ERBB4: variants seen among roughly 807,000 people sequenced by gnomAD.
The protein encoded by ERBB4 is receptor tyrosine-protein kinase erbB-4.
In ERBB4, 42 loss-of-function variants were observed where a neutral mutation model predicts 158.0. That is an observed-to-expected ratio of 0.27 (90% CI 0.21 to 0.34). The LOEUF (loss-of-function observed/expected upper bound fraction) is 0.34. Among genes scored for constraint, ERBB4 ranks in the 10% least tolerant of loss-of-function variants. The pLI is 1.00. For missense variants in ERBB4, 1,333 were observed against 1,624.1 expected (o/e 0.82, Z 3.08); for synonymous variants, 583 against 558.7 (o/e 1.04, Z -0.61).
At chr2:212,370,688 C>G (rs1417110862) in intron 1 of ERBB4, among the ~76,000 whole-genome samples, 1 of 152,032 alleles carries the variant, frequency 6.6e-6, no homozygotes, top group African/African-American at 2.4e-5. Flanking sequence ...AATCCCAAGT[C>G]TTACTACTAT....
At chr2:211,830,098 T>A (rs1441326151) in intron 3 of ERBB4, among the ~76,000 whole-genome samples, 3 of 152,214 alleles carry the variant, frequency 2.0e-5, no homozygotes, top group African/African-American at 7.2e-5. Flanking sequence ...CACACTGCTC[T>A]GAATTTGTTA....
intron 19 of ERBB4, among the ~76,000 whole-genome samples, chr2:211,592,917 A>G (rs1006034141): frequency 4.6e-5 from 7 of 151,944 alleles, no homozygotes; most frequent in African/African-American, 1.7e-4. Context: ...AGGCTGAGGC[A>G]GGAGAATCGC....
intron 3 of ERBB4, among the ~76,000 whole-genome samples, chr2:211,884,362 T>G (rs2106159950): frequency 6.6e-6 from 1 of 152,304 alleles, no homozygotes; most frequent in South Asian, 2.1e-4. Flanking sequence ...CAACATCCAG[T>G]TCTCCTACCA....
intron 1 of ERBB4, among the ~76,000 whole-genome samples, chr2:212,149,747 C>A (rs1347282976): frequency 6.6e-6 from 1 of 152,150 alleles, no homozygotes; most frequent in Non-Finnish European, 1.5e-5. Context: ...TTTTCATTCA[C>A]TAAGCATTGC....
At chr2:212,248,876 G>A (rs1413673443) in intron 1 of ERBB4, among the ~76,000 whole-genome samples, 1 of 151,924 alleles carries the variant, frequency 6.6e-6, no homozygotes, top group Non-Finnish European at 1.5e-5. Context: ...ACCAACAGGA[G>A]CTATAGTATC....
At chr2:211,880,560 A>C (rs1374400856) in intron 3 of ERBB4, among the ~76,000 whole-genome samples, 1 of 152,228 alleles carries the variant, frequency 6.6e-6, no homozygotes, top group Non-Finnish European at 1.5e-5. Flanking sequence ...CACAGATTTC[A>C]AAAAACATTT....
At chr2:211,861,027 T>TATATA (rs2078007680) in intron 3 of ERBB4, among the ~76,000 whole-genome samples, 1 of 30,252 alleles carries the variant, frequency 3.3e-5, no homozygotes, top group African/African-American at 9.8e-5. Flanking sequence ...TATATATATA[T>TATATA]AAATATAATA....
At chr2:211,423,079 A>G (rs986615283) in intron 23 of ERBB4, among the ~76,000 whole-genome samples, 4 of 152,000 alleles carry the variant, frequency 2.6e-5, no homozygotes, top group Non-Finnish European at 5.9e-5. Context: ...TCTGTATTCT[A>G]TATGCATTCA....
intron 2 of ERBB4, among the ~76,000 whole-genome samples, chr2:211,982,288 G>A (rs545095500): frequency 2.8e-4 from 43 of 152,192 alleles, no homozygotes; most frequent in African/African-American, 9.4e-4. Flanking sequence ...TTACTAAAAC[G>A]ATGTCCTGGA....
intron 16 of ERBB4, among the ~76,000 whole-genome samples, chr2:211,653,317 G>T (rs1211253971): frequency 6.6e-6 from 1 of 152,116 alleles, no homozygotes; most frequent in Non-Finnish European, 1.5e-5. Context: ...CTTCCTGAAA[G>T]AAATTCCAGC....
At chr2:211,462,312 A>G (rs2064557053) in intron 20 of ERBB4, among the ~76,000 whole-genome samples, 1 of 152,076 alleles carries the variant, frequency 6.6e-6, no homozygotes, top group Non-Finnish European at 1.5e-5. Flanking sequence ...ACTTCCCACC[A>G]GGCCCCACTT....
chr2:211,655,457 G>A (rs1574933192), intron 16 of ERBB4, among the ~76,000 whole-genome samples: 1 of 152,274 alleles, frequency 6.6e-6, no homozygotes, highest in East Asian at 1.9e-4. Flanking sequence ...TTTTATGCAT[G>A]AAGAAAGTGA....
At chr2:211,615,587 C>T (rs1316517233) in intron 19 of ERBB4, among the ~76,000 whole-genome samples, 2 of 151,976 alleles carry the variant, frequency 1.3e-5, no homozygotes, top group African/African-American at 2.4e-5. Flanking sequence ...GAGTAACAGC[C>T]CTGGGTGACC....
chr2:211,821,309 A>T (rs1313025346), intron 3 of ERBB4, among the ~76,000 whole-genome samples: 1 of 151,930 alleles, frequency 6.6e-6, no homozygotes, highest in Admixed American at 6.6e-5. Context: ...AATAAATTTA[A>T]CCAAGTAGGT....
rs765221151 is a variant in ERBB4 at position 211,582,231 on chromosome 2, C to T, written c.2302-20143G>A. Among the ~76,000 whole-genome samples, 20 of 152,264 alleles carry T rather than the reference C, an allele frequency of 1.3e-4. No homozygotes were observed. In the South Asian group the frequency reaches 3.7e-3, roughly 28 times the overall value. On this transcript the variant is annotated intron_variant, in intron 19 of 27. Transcript: ENST00000342788. ...AAAAAGACAGCTTTTTAAGGGTAGGCGTGCCGGCTTTCATCTGTGGAGGAC... is the reference window on the plus strand; with the variant it reads ...AAAAAGACAGCTTTTTAAGGGTAGGTGTGCCGGCTTTCATCTGTGGAGGAC...
chr2:211,802,262 CAA>C (rs55912021), intron 3 of ERBB4, among the ~76,000 whole-genome samples: 29,525 of 143,660 alleles, frequency 0.21, 3,464 homozygotes, highest in Non-Finnish European at 0.28. Context: ...CAGTCTCCAA[CAA>C]AAAAAAAAAA....
In ERBB4 at chr2:212,327,709, CT is replaced by C. The variant is rs1189950362; in HGVS notation, c.83-202807del. ...ATAGTCTAAAACCCCTTTAACGATT[CT>C]TTTTTTTTTCTTTTTTTCTTTTTTT... is the stretch of plus-strand genomic sequence containing the variant. On this transcript the variant is annotated intron_variant, in intron 1 of 27. Transcript: ENST00000342788. 7.8e-3 allele frequency among the ~76,000 whole-genome samples: 1,009 copies of C among 128,750 alleles called. 10 individuals are homozygous for C. Among genetic ancestry groups the C allele is most frequent in the Admixed American group, 0.014 (173 of 11,998 alleles). 84.5% of individuals were successfully genotyped at this position (128,750 alleles called of 152,430 possible).
chr2:211,901,829 ATT>A (rs2079242734), intron 3 of ERBB4, among the ~76,000 whole-genome samples: 1 of 152,150 alleles, frequency 6.6e-6, no homozygotes, highest in South Asian at 2.1e-4. Flanking sequence ...CATGAGCATT[ATT>A]TGTAGAGTCA....
chr2:212,168,799 C>T (rs144712991), intron 1 of ERBB4, among the ~76,000 whole-genome samples: 278 of 152,228 alleles, frequency 1.8e-3, no homozygotes, highest in African/African-American at 6.2e-3. Flanking sequence ...ACTTGTGCTG[C>T]TAATGAGGCC....
Sources: gnomAD v4.1 joint callset for allele counts (sites outside exome capture counted in the v4.1 genomes callset) on GRCh38, gnomAD v4.1.1 for gene constraint, MANE v1.5 for transcripts, NCBI Gene and HGNC (gene_info 2026-07-23, HGNC 2026-07-21) for gene names.